Variants in PTPRN2 observed in about 807,000 individuals in gnomAD.
PTPRN2 encodes protein tyrosine phosphatase receptor type N2.
Under a neutral mutation model 118.8 loss-of-function variants are expected in PTPRN2, and 74 were observed. That is an observed-to-expected ratio of 0.62 (90% CI 0.52 to 0.76). The LOEUF (loss-of-function observed/expected upper bound fraction) is 0.76. Ranked by LOEUF, PTPRN2 falls within the 30% of genes least tolerant of loss-of-function variation. The pLI is 0.00. For synonymous variants in PTPRN2, 641 were observed against 608.0 expected (o/e 1.05, Z -0.80); for missense variants, 1,481 against 1,394.4 (o/e 1.06, Z -0.99).
At chr7:157,742,275 C>T (rs1309586735) in intron 12 of PTPRN2, among the ~76,000 whole-genome samples, 1 of 152,142 alleles carries the variant, frequency 6.6e-6, no homozygotes, top group Non-Finnish European at 1.5e-5. Flanking sequence ...GGGCAGTCTC[C>T]AGATGTTTTT....
At chr7:158,196,086 C>A (rs1167130324) in intron 4 of PTPRN2, among the ~76,000 whole-genome samples, 2 of 152,278 alleles carry the variant, frequency 1.3e-5, no homozygotes, top group African/African-American at 4.8e-5. Flanking sequence ...ATGAGGTTTG[C>A]AAGTCTTGAT....
At chr7:158,010,376 T>G (rs1037867916) in intron 11 of PTPRN2, among the ~76,000 whole-genome samples, 3 of 152,200 alleles carry the variant, frequency 2.0e-5, no homozygotes, top group Non-Finnish European at 2.9e-5. Flanking sequence ...TTTAAAAGTG[T>G]GTTAACAGCA....
chr7:157,882,320 A>G (rs1173169367), intron 12 of PTPRN2, among the ~76,000 whole-genome samples: 5 of 152,064 alleles, frequency 3.3e-5, no homozygotes, highest in African/African-American at 1.2e-4. Context: ...ATCAGAGATC[A>G]GAACACACCA....
At chr7:157,778,097 C>T (rs1803444049) in intron 12 of PTPRN2, among the ~76,000 whole-genome samples, 1 of 152,202 alleles carries the variant, frequency 6.6e-6, no homozygotes, top group Non-Finnish European at 1.5e-5. Flanking sequence ...ACAGCAAACT[C>T]CGCGGTGACA....
chr7:157,688,929 C>T lies in PTPRN2; in HGVS notation c.1789-5992G>A, dbSNP rs535238252. On this transcript the variant is annotated intron_variant, in intron 12 of 22. Transcript: ENST00000389418. ...GCCGGACACAAAGGCCAAGGGTTCC[C>T]GGGAGCCGCGGGTATTCAGAGCCAG... 2.8e-4 allele frequency among the ~76,000 whole-genome samples: 42 copies of T among 152,328 alleles called. 1 individual carries two copies. In the South Asian group the frequency reaches 8.5e-3, roughly 31 times the overall value.
chr7:158,231,345 G>A (rs117916644), intron 3 of PTPRN2, among the ~76,000 whole-genome samples: 2,649 of 152,276 alleles, frequency 0.017, 40 homozygotes, highest in Middle Eastern at 0.031. Context: ...AGATAAAATA[G>A]ACTGCAAGTC....
intron 11 of PTPRN2, among the ~76,000 whole-genome samples, chr7:158,034,429 C>T (rs986484517): frequency 9.2e-5 from 14 of 152,188 alleles, no homozygotes; most frequent in East Asian, 7.7e-4. Flanking sequence ...CCATGCTGTT[C>T]GTGTGATAGT....
At position 158,192,399 on chromosome 7, in the gene PTPRN2, C is replaced by A. The variant is rs750126964; in HGVS notation, c.477G>T (p.Glu159Asp). 4 of 1,534,750 alleles carry A rather than the reference C, an allele frequency of 2.6e-6. No homozygotes were observed. The highest frequency in any genetic ancestry group is 1.3e-5 in the South Asian group (1 of 77,582). Reference protein sequence around the residue: ...NALRRHLPFLEALSQAPASDV... With the variant: ...NALRRHLPFLDALSQAPASDV... The stretch of plus-strand genomic sequence containing the variant: ...CTGAGGCTGGGGCCTGGGACAGGGC[C>A]TCCAGGAAGGGCAGGTGGCGTCGGA... The change falls in exon 5 of 23, where the codon GAG (glutamate) becomes GAT (aspartate). Residue 159 changes from glutamate (E) to aspartate (D), a missense_variant. Transcript: ENST00000389418.
chr7:157,744,754 G>C (rs1214358092), intron 12 of PTPRN2, among the ~76,000 whole-genome samples: 3 of 152,210 alleles, frequency 2.0e-5, no homozygotes, highest in African/African-American at 7.2e-5. Context: ...GGTGGACACT[G>C]AGTGAGGTGG....
chr7:158,152,159 G>T (rs927908436), intron 6 of PTPRN2, among the ~76,000 whole-genome samples: 2 of 107,002 alleles, frequency 1.9e-5, no homozygotes, highest in African/African-American at 7.1e-5. Context: ...GGGTGAAAGA[G>T]TGAGACTCTG....
At position 158,570,368 on chromosome 7, in the gene PTPRN2, A is replaced by G. The variant is rs1445193752; in HGVS notation, c.112+17190T>C. ...AGGTGTTTTGCTGAATAAATAAATT[A>G]ATACATAATAAAGGCTGCGTCCAAC... On this transcript the variant is annotated intron_variant, in intron 1 of 22. Transcript: ENST00000389418. The surrounding 1 kb of genome is among the most constrained non-coding windows in gnomAD (Gnocchi z 4.5). Among the ~76,000 whole-genome samples the G allele has an allele frequency of 1.3e-5, 2 of 152,104 alleles. No individual in the cohort carries two copies. The highest frequency in any genetic ancestry group is 3.9e-4 in the East Asian group (2 of 5,166).
intron 11 of PTPRN2, among the ~76,000 whole-genome samples, chr7:158,062,867 T>TC (rs1295919878): frequency 6.6e-6 from 1 of 152,104 alleles, no homozygotes. Context: ...CGCCATGGGC[T>TC]CCTGTGCGGC....
At chr7:157,604,232 A>T (rs1801872522) in intron 15 of PTPRN2, among the ~76,000 whole-genome samples, 157 bp from the exon 16 acceptor site, 1 of 152,152 alleles carries the variant, frequency 6.6e-6, no homozygotes, top group Admixed American at 6.6e-5. Flanking sequence ...AACAGCCTCC[A>T]GGGCCTATAG....
intron 1 of PTPRN2, among the ~76,000 whole-genome samples, chr7:158,498,017 C>T (rs554670374): frequency 3.3e-5 from 5 of 152,386 alleles, no homozygotes; most frequent in East Asian, 1.9e-4. Context: ...AATTCACCTC[C>T]ACCCCATACG....
At chr7:157,805,396 G>A (rs1805570250) in intron 12 of PTPRN2, among the ~76,000 whole-genome samples, 1 of 151,984 alleles carries the variant, frequency 6.6e-6, no homozygotes, top group Non-Finnish European at 1.5e-5. Flanking sequence ...AAGGTGGCTT[G>A]TTCTCCAGCA....
chr7:158,551,251 G>A (rs1026634268), intron 1 of PTPRN2, among the ~76,000 whole-genome samples: 1 of 152,228 alleles, frequency 6.6e-6, no homozygotes, highest in African/African-American at 2.4e-5. Flanking sequence ...GAGGGCAGCC[G>A]GCTCCCTCAT....
chr7:158,077,051 C>A (rs1585359594), intron 11 of PTPRN2, among the ~76,000 whole-genome samples: 1 of 152,232 alleles, frequency 6.6e-6, no homozygotes, highest in Admixed American at 6.5e-5. Flanking sequence ...TCAAAATAAG[C>A]ACGTTTGTCT....
intron 6 of PTPRN2, among the ~76,000 whole-genome samples, chr7:158,157,289 C>G (rs1821913490): frequency 6.6e-6 from 1 of 152,210 alleles, no homozygotes; most frequent in African/African-American, 2.4e-5. Flanking sequence ...GGTGCCCTGC[C>G]AATTCCTAGT....
chr7:158,396,820 T>C (rs1208131634), intron 2 of PTPRN2, among the ~76,000 whole-genome samples: 1 of 152,184 alleles, frequency 6.6e-6, no homozygotes, highest in Non-Finnish European at 1.5e-5. Context: ...CTGTAGAGAA[T>C]GCCAAGCAGC....
Sources: gnomAD v4.1 joint callset for allele counts (sites outside exome capture counted in the v4.1 genomes callset) on GRCh38, gnomAD v4.1.1 for gene constraint, Gnocchi (gnomAD v3.1) non-coding constraint, MANE v1.5 for transcripts, NCBI Gene and HGNC (gene_info 2026-07-23, HGNC 2026-07-21) for gene names.